TSPAN5: variants seen among roughly 807,000 people sequenced by gnomAD.
TSPAN5 encodes the protein tetraspanin-5.
Under a neutral mutation model 37.1 loss-of-function variants are expected in TSPAN5, and 10 were observed. That is an observed-to-expected ratio of 0.27 (90% CI 0.17 to 0.46). The LOEUF (loss-of-function observed/expected upper bound fraction) is 0.46, where lower values mean the gene tolerates loss of function less well. Among genes scored for constraint, TSPAN5 ranks in the 20% least tolerant of loss-of-function variants. The probability of loss-of-function intolerance (pLI) is 1.00; values close to 1 mark genes in which losing one functional copy is unlikely to be tolerated. For synonymous variants in TSPAN5, 110 were observed against 118.9 expected (o/e 0.93, Z 0.48); for missense variants, 195 against 326.6 (o/e 0.60, Z 3.11).
chr4:98,603,052 C>T (rs939485404), intron 1 of TSPAN5, among the ~76,000 whole-genome samples: 2 of 152,212 alleles, frequency 1.3e-5, no homozygotes, highest in Non-Finnish European at 2.9e-5. Flanking sequence ...CTCTGTCCCT[C>T]AATGTTATGC....
chr4:98,490,060 T>C (rs770749491), intron 2 of TSPAN5, among the ~76,000 whole-genome samples: 42 of 152,238 alleles, frequency 2.8e-4, no homozygotes, highest in Non-Finnish European at 5.4e-4. Context: ...TAGGCCTTAA[T>C]GACCTTTAGG....
intron 1 of TSPAN5, among the ~76,000 whole-genome samples, chr4:98,546,464 G>A (rs1232842022): frequency 6.6e-6 from 1 of 152,174 alleles, no homozygotes; most frequent in Admixed American, 6.5e-5. Context: ...AAGACCAGCA[G>A]TATTCCCCGA....
At chr4:98,488,658 A>G (rs1362789891) in intron 2 of TSPAN5, among the ~76,000 whole-genome samples, 1 of 152,106 alleles carries the variant, frequency 6.6e-6, no homozygotes, top group Non-Finnish European at 1.5e-5. Context: ...ATGAATATTT[A>G]CTCCGGGGGA....
At chr4:98,554,060 C>T (rs904807996) in intron 1 of TSPAN5, among the ~76,000 whole-genome samples, 15 of 151,070 alleles carry the variant, frequency 9.9e-5, no homozygotes, top group Non-Finnish European at 7.4e-5. Context: ...GAGCGAGACT[C>T]TATCTAAAAA....
intron 1 of TSPAN5, among the ~76,000 whole-genome samples, chr4:98,511,278 G>A (rs527306353): frequency 2.0e-5 from 3 of 152,278 alleles, no homozygotes; most frequent in South Asian, 2.1e-4. Flanking sequence ...CTACAGCCAC[G>A]TGTTGCTTAA....
chr4:98,590,103 A>G (rs939383325), intron 1 of TSPAN5, among the ~76,000 whole-genome samples: 3 of 152,158 alleles, frequency 2.0e-5, no homozygotes, highest in African/African-American at 4.8e-5. Context: ...ATGAAATGAA[A>G]CGGCACTACC....
At chr4:98,557,653 G>T (rs1191153895) in intron 1 of TSPAN5, among the ~76,000 whole-genome samples, 1 of 152,190 alleles carries the variant, frequency 6.6e-6, no homozygotes, top group African/African-American at 2.4e-5. Context: ...GTACGTAGTG[G>T]CCTCCTTCCA....
At chr4:98,570,008 T>C (rs1011963881) in intron 1 of TSPAN5, among the ~76,000 whole-genome samples, 1 of 152,180 alleles carries the variant, frequency 6.6e-6, no homozygotes. Context: ...GGTTCTATGA[T>C]GGGGATGTGC....
chr4:98,557,394 C>G (rs191179997), intron 1 of TSPAN5, among the ~76,000 whole-genome samples: 260 of 152,298 alleles, frequency 1.7e-3, no homozygotes, highest in African/African-American at 5.0e-3. Context: ...ACAAATTCTA[C>G]AGTCTCTGAA....
intron 1 of TSPAN5, among the ~76,000 whole-genome samples, chr4:98,581,660 AC>A (rs1755373404): frequency 6.6e-6 from 1 of 152,228 alleles, no homozygotes; most frequent in African/African-American, 2.4e-5. Flanking sequence ...CTGTGATTGC[AC>A]CATTAGTACA....
chr4:98,525,832 T>C (rs1311334324), intron 1 of TSPAN5, among the ~76,000 whole-genome samples: 1 of 152,224 alleles, frequency 6.6e-6, no homozygotes, highest in Non-Finnish European at 1.5e-5. Flanking sequence ...TTCTTATACA[T>C]ACATGTCATT....
intron 1 of TSPAN5, among the ~76,000 whole-genome samples, chr4:98,655,404 C>T (rs1579059213): frequency 6.6e-6 from 1 of 152,278 alleles, no homozygotes; most frequent in East Asian, 1.9e-4. Context: ...TATAACTCAT[C>T]CACCTCCTTC....
At chr4:98,579,756 T>C (rs1280053169) in intron 1 of TSPAN5, among the ~76,000 whole-genome samples, 1 of 152,214 alleles carries the variant, frequency 6.6e-6, no homozygotes, top group Non-Finnish European at 1.5e-5. Flanking sequence ...CAGTTGGGCT[T>C]AGCTATGGAA....
At chr4:98,621,524 C>G (rs545855495) in intron 1 of TSPAN5, among the ~76,000 whole-genome samples, 7 of 151,896 alleles carry the variant, frequency 4.6e-5, no homozygotes, top group Non-Finnish European at 1.0e-4. Context: ...ACCGCCACCA[C>G]GTCCGGCTAA....
intron 1 of TSPAN5, among the ~76,000 whole-genome samples, chr4:98,615,534 G>A (rs1291367701): frequency 6.6e-6 from 1 of 152,196 alleles, no homozygotes; most frequent in Non-Finnish European, 1.5e-5. Flanking sequence ...CACAGACGTT[G>A]ATGGCCGGGC....
Position 98,482,187 on chromosome 4 carries a change from G to A in TSPAN5, c.280-12C>T, listed in dbSNP as rs767187895. 43 of 1,612,886 alleles carry A rather than the reference G, an allele frequency of 2.7e-5. 1 individual carries two copies. The South Asian group carries it at 4.5e-4, about 17-fold the overall frequency. On this transcript the variant is annotated splice_polypyrimidine_tract_variant and intron_variant, in intron 3 of 7. Transcript: ENST00000305798. ...AGGAACACAGAAAACTAAGATAAAA[G>A]ACACATACACAGAGAACAGTTATAA...
intron 1 of TSPAN5, among the ~76,000 whole-genome samples, chr4:98,615,111 C>T (rs1756292148): frequency 6.6e-6 from 1 of 152,132 alleles, no homozygotes; most frequent in Non-Finnish European, 1.5e-5. Context: ...CGTGACAGCC[C>T]ATACCTGTGT....
chr4:98,615,648 C>G (rs1042362704), intron 1 of TSPAN5, among the ~76,000 whole-genome samples: 3 of 152,188 alleles, frequency 2.0e-5, no homozygotes, highest in African/African-American at 7.2e-5. Context: ...TGGCGAAACC[C>G]TGTCTCTACT....
At chr4:98,547,191 G>A (rs1754490131) in intron 1 of TSPAN5, among the ~76,000 whole-genome samples, 2 of 152,188 alleles carry the variant, frequency 1.3e-5, no homozygotes, top group Admixed American at 1.3e-4. Flanking sequence ...ATCCCACGCG[G>A]TGCTCCCACT....
Sources: gnomAD v4.1 joint callset for allele counts (sites outside exome capture counted in the v4.1 genomes callset) on GRCh38, gnomAD v4.1.1 for gene constraint, MANE v1.5 for transcripts, NCBI Gene and HGNC (gene_info 2026-07-23, HGNC 2026-07-21) for gene names.